ST6GAL1: variants seen among roughly 807,000 people sequenced by gnomAD.
ST6GAL1 encodes beta-galactoside alpha-2,6-sialyltransferase 1.
In ST6GAL1, 20 loss-of-function variants were observed where a neutral mutation model predicts 38.0. That is an observed-to-expected ratio of 0.53 (90% CI 0.37 to 0.77). ST6GAL1 has a LOEUF of 0.77. Among genes scored for constraint, ST6GAL1 ranks in the 30% least tolerant of loss-of-function variants. The pLI, the probability that ST6GAL1 is intolerant of heterozygous loss-of-function variation, is 0.00. For synonymous variants in ST6GAL1, 196 were observed against 188.2 expected (o/e 1.04, Z -0.34); for missense variants, 432 against 496.4 (o/e 0.87, Z 1.23).
chr3:187,053,907 A>G (rs2108588803), intron 5 of ST6GAL1, among the ~76,000 whole-genome samples: 1 of 152,206 alleles, frequency 6.6e-6, no homozygotes, highest in East Asian at 1.9e-4. Flanking sequence ...CCCTTTCCAC[A>G]GTATTGATTC....
intron 5 of ST6GAL1, among the ~76,000 whole-genome samples, chr3:187,058,469 A>C (rs9844388): frequency 0.099 from 15,079 of 152,084 alleles, 2,510 homozygotes; most frequent in African/African-American, 0.34. Context: ...AACTTAACTT[A>C]TTTGTAAGTG....
chr3:187,001,739 C>G, intron 2 of ST6GAL1, among the ~76,000 whole-genome samples: 1 of 152,210 alleles, frequency 6.6e-6, no homozygotes, highest in South Asian at 2.1e-4. Context: ...GGGCAGATCA[C>G]GAGGTCAGGA....
At chr3:187,055,918 CTAT>C (rs1393891716) in intron 5 of ST6GAL1, among the ~76,000 whole-genome samples, 1 of 152,002 alleles carries the variant, frequency 6.6e-6, no homozygotes, top group Non-Finnish European at 1.5e-5. Flanking sequence ...TTGAAGTCTC[CTAT>C]TATTATTGTG....
chr3:187,058,089 G>A (rs1317986733), intron 5 of ST6GAL1, among the ~76,000 whole-genome samples: 1 of 152,228 alleles, frequency 6.6e-6, no homozygotes, highest in African/African-American at 2.4e-5. Context: ...GTGGTCCTGG[G>A]ACCCGCTGAG....
chr3:186,988,130 G>T (rs1324324616), intron 2 of ST6GAL1, among the ~76,000 whole-genome samples: 2 of 152,140 alleles, frequency 1.3e-5, no homozygotes, highest in Admixed American at 1.3e-4. Flanking sequence ...AATTGACATT[G>T]GTTGTGGTGG....
chr3:187,034,855 T>G (rs1356953255), intron 2 of ST6GAL1, among the ~76,000 whole-genome samples: 3 of 152,204 alleles, frequency 2.0e-5, no homozygotes, highest in Non-Finnish European at 4.4e-5. Flanking sequence ...AAGACAAGGA[T>G]GCCCACTCTC....
intron 5 of ST6GAL1, among the ~76,000 whole-genome samples, chr3:187,057,089 C>T (rs1011862820): frequency 2.6e-4 from 40 of 152,266 alleles, no homozygotes; most frequent in African/African-American, 6.5e-4. Context: ...TCCACTTGAT[C>T]GCATTGGCTA....
chr3:187,019,029 G>T (rs892067312), intron 2 of ST6GAL1, among the ~76,000 whole-genome samples: 5 of 152,076 alleles, frequency 3.3e-5, no homozygotes, highest in Non-Finnish European at 5.9e-5. Flanking sequence ...GGTAGTCGTG[G>T]CAATCTCATG....
intron 2 of ST6GAL1, among the ~76,000 whole-genome samples, chr3:186,995,373 G>A (rs921922429): frequency 1.3e-5 from 2 of 151,756 alleles, no homozygotes; most frequent in African/African-American, 2.4e-5. Flanking sequence ...GGGTGTGGTG[G>A]CATGTACCTG....
At chr3:186,978,801 C>T (rs1715599022) in intron 2 of ST6GAL1, among the ~76,000 whole-genome samples, 1 of 152,080 alleles carries the variant, frequency 6.6e-6, no homozygotes, top group Non-Finnish European at 1.5e-5. Flanking sequence ...ATCACTGCAG[C>T]CCTTATACCC....
At chr3:186,984,562 C>T (rs1467690663) in intron 2 of ST6GAL1, among the ~76,000 whole-genome samples, 1 of 152,106 alleles carries the variant, frequency 6.6e-6, no homozygotes, top group African/African-American at 2.4e-5. Context: ...AGCCTTGCCG[C>T]AAACACGCTT....
At chr3:186,972,764 T>C (rs1041177059) in intron 2 of ST6GAL1, among the ~76,000 whole-genome samples, 3 of 152,166 alleles carry the variant, frequency 2.0e-5, no homozygotes, top group Non-Finnish European at 2.9e-5. Context: ...ACTCCCTGTT[T>C]GATTTCAGTG....
At chr3:187,042,423 GGAGTGGAA>G (rs752100809) in intron 3 of ST6GAL1, among the ~76,000 whole-genome samples, 9 of 152,220 alleles carry the variant, frequency 5.9e-5, no homozygotes, top group South Asian at 4.1e-4. Flanking sequence ...GAGGAAGAAG[GGAGTGGAA>G]GAGTGGAAGA....
At chr3:186,943,739 T>C (rs144650450) in intron 1 of ST6GAL1, among the ~76,000 whole-genome samples, 8,163 of 152,258 alleles carry the variant, frequency 0.054, 699 homozygotes, top group African/African-American at 0.19. Context: ...TGAGCCACCA[T>C]GCCCGGCCTA....
chr3:187,058,079 G>A (rs183338826), intron 5 of ST6GAL1, among the ~76,000 whole-genome samples: 355 of 152,348 alleles, frequency 2.3e-3, no homozygotes, highest in Non-Finnish European at 4.1e-3. Flanking sequence ...GCAAGGCTCC[G>A]TGGTCCTGGG....
chr3:187,054,226 A>G (rs1259098100), intron 5 of ST6GAL1, among the ~76,000 whole-genome samples: 2 of 152,276 alleles, frequency 1.3e-5, no homozygotes, highest in Non-Finnish European at 2.9e-5. Context: ...TTCTAAATAT[A>G]CAATCATGTC....
intron 2 of ST6GAL1, among the ~76,000 whole-genome samples, chr3:186,972,623 A>G (rs1314870257): frequency 6.6e-6 from 1 of 152,148 alleles, no homozygotes; most frequent in Non-Finnish European, 1.5e-5. Context: ...ATGACGCCAC[A>G]TAACACGGCT....
Position 187,072,907 on chromosome 3 carries a change from T to C in ST6GAL1, c.764T>C (p.Ile255Thr). 1 of 1,613,948 alleles carries C rather than the reference T, an allele frequency of 6.2e-7. No homozygotes were observed. Among genetic ancestry groups the C allele is most frequent in the Non-Finnish European group, 8.5e-7 (1 of 1,179,906 alleles). ...KDSLYNEGIL[I>T]VWDPSVYHSD... ...AGTTTGTACAATGAAGGAATCCTAATTGTATGGGACCCATCTGTATACCAC... is the reference window on the plus strand; with the variant it reads ...AGTTTGTACAATGAAGGAATCCTAACTGTATGGGACCCATCTGTATACCAC... The change falls in exon 6 of 8, where the codon ATT becomes ACT. Residue 255 changes from isoleucine (I) to threonine (T), a missense_variant. Transcript: ENST00000169298.
chr3:186,970,562 G>A (rs953039348), intron 2 of ST6GAL1, among the ~76,000 whole-genome samples: 1 of 151,568 alleles, frequency 6.6e-6, no homozygotes, highest in Non-Finnish European at 1.5e-5. Flanking sequence ...TCTTCCTTGT[G>A]CTGACCCTTT....
Sources: gnomAD v4.1 joint callset for allele counts (sites outside exome capture counted in the v4.1 genomes callset) on GRCh38, gnomAD v4.1.1 for gene constraint, MANE v1.5 for transcripts, NCBI Gene and HGNC (gene_info 2026-07-23, HGNC 2026-07-21) for gene names.